ZNF106: variants seen among roughly 807,000 people sequenced by gnomAD.
ZNF106 encodes the protein SH3-domain binding protein 3.
In ZNF106, 67 loss-of-function variants were observed where a neutral mutation model predicts 195.1. The ratio of observed to expected loss-of-function variants is 0.34; its 90% CI spans 0.28 to 0.42. The LOEUF (loss-of-function observed/expected upper bound fraction) is 0.42. Among genes scored for constraint, ZNF106 ranks in the 10% least tolerant of loss-of-function variants. The pLI is 1.00. For synonymous variants in ZNF106, 784 were observed against 818.6 expected, an observed-to-expected ratio of 0.96 and a Z score of 0.72; for missense variants, 2,118 against 2,304.5, an observed-to-expected ratio of 0.92 and a Z score of 1.66.
chr15:42,424,800 C>T, intron 16 of ZNF106, 34 bp downstream of exon 16: 7 of 1,593,596 alleles, frequency 4.4e-6, no homozygotes, highest in Non-Finnish European at 6.0e-6. Context: ...TCTATTTGTG[C>T]CAGACAACTC....
intron 2 of ZNF106, among the ~76,000 whole-genome samples, chr15:42,467,832 A>G (rs1360418883): frequency 5.3e-5 from 8 of 152,068 alleles, no homozygotes; most frequent in African/African-American, 9.7e-5. Flanking sequence ...AACAAACAAA[A>G]TATTTAGTCT....
chr15:42,434,428 G>A (rs1434123401), intron 14 of ZNF106, among the ~76,000 whole-genome samples: 2 of 152,164 alleles, frequency 1.3e-5, no homozygotes, highest in Non-Finnish European at 1.5e-5. Context: ...CTAAAGTTGT[G>A]AGCCAGTGCC....
intron 14 of ZNF106, among the ~76,000 whole-genome samples, chr15:42,429,780 T>C (rs748135503): frequency 9.9e-5 from 15 of 151,994 alleles, no homozygotes; most frequent in East Asian, 1.9e-4. Context: ...ATAGGGGAAA[T>C]TGAACATTAC....
At chr15:42,460,820 A>G (rs2141389439) in intron 3 of ZNF106, among the ~76,000 whole-genome samples, 1 of 150,642 alleles carries the variant, frequency 6.6e-6, no homozygotes, top group Non-Finnish European at 1.5e-5. Context: ...AGATTGCACC[A>G]TTGCACTCTA....
At chr15:42,433,034 T>C (rs2055114169) in intron 14 of ZNF106, among the ~76,000 whole-genome samples, 1 of 152,184 alleles carries the variant, frequency 6.6e-6, no homozygotes, top group Non-Finnish European at 1.5e-5. Context: ...ATTTGCTATT[T>C]GCTTTCTATT....
chr15:42,450,559 CA>C lies in ZNF106; in HGVS notation c.1712del (p.Leu571CysfsTer22). 1 of 1,614,172 alleles carries C rather than the reference CA, an allele frequency of 6.2e-7. No homozygotes were observed. Among genetic ancestry groups the C allele is most frequent in the African/African-American group, 1.3e-5 (1 of 75,040 alleles). On this transcript the variant is annotated frameshift_variant, in exon 5 of 22. Transcript: ENST00000564754. LOFTEE classifies it high-confidence loss of function. ...AKEVLQCHESLQNPLLSTSKS... is the reference protein window; with the variant it reads ...AKEVLQCHESXQNPLLSTSKS... ...TAGAAGTGCTAAGAAGTGGATTTTG[CA>C]ATGACTCATGACACTGTAGCACCTC...
intron 1 of ZNF106, among the ~76,000 whole-genome samples, chr15:42,485,184 T>C (rs2056985501): frequency 6.6e-6 from 1 of 152,180 alleles, no homozygotes; most frequent in Admixed American, 6.5e-5. Context: ...ATACTGTATG[T>C]TTATGTTAAA....
Position 42,439,510 on chromosome 15 carries a change from G to A in ZNF106, c.4067C>T (p.Pro1356Leu). 1 of 1,614,180 alleles carries A rather than the reference G, an allele frequency of 6.2e-7. No homozygotes were observed. The highest frequency in any genetic ancestry group is 8.5e-7 in the Non-Finnish European group (1 of 1,180,044). ...CAAAGTGGATTCTGCCTGTTGTTCA[G>A]GCTGGTCAGCTGGAGAGTGGGGTTC... ...EKEPHSPADQ[P>L]EQQAESTLTS... The change falls in exon 11 of 22, where the codon CCT (proline) becomes CTT (leucine). Residue 1356 changes from proline to leucine, a missense_variant. Physicochemically the swap from Pro to Leu is moderately conservative, Grantham distance 98. Coordinates refer to ENST00000564754, the MANE Select transcript of ZNF106 (RefSeq NM_001366845.3).
chr15:42,457,142 A>G lies in ZNF106; in HGVS notation c.133T>C (p.Cys45Arg). 6.2e-7 allele frequency: 1 copy of G among 1,614,080 alleles called. No homozygotes were observed. The highest frequency in any genetic ancestry group is 1.3e-5 in the African/African-American group (1 of 74,992). The change falls in exon 4 of 22, where the codon TGC (cysteine) becomes CGC (arginine). Residue 45 changes from cysteine to arginine, a missense_variant. Physicochemically the swap from Cys to Arg is radical, Grantham distance 180. Coordinates refer to ENST00000564754, the MANE Select transcript of ZNF106 (RefSeq NM_001366845.3). ...ACTTCTGTGACCCCGCACACTCGGC[A>G]CTCATGACTAATGTCCCTAGGGAAA... ...NLKGRDISHE[C>R]RVCGVTEVGL...
At position 42,422,543 on chromosome 15, in the gene ZNF106, CA is replaced by C; in HGVS notation, c.5330del (p.Val1777GlyfsTer29). On this transcript the variant is annotated frameshift_variant, in exon 18 of 22. Transcript: ENST00000564754. LOFTEE classifies it high-confidence loss of function. ...TVVNILGKVM[V>X]TACLDKFVRV... ...GAACAAATTTATCCAGGCAAGCAGT[CA>C]CCATCACTTTTCCTAGGATATTCAC... is the stretch of plus-strand genomic sequence containing the variant. 1 of 1,613,684 alleles carries C rather than the reference CA, an allele frequency of 6.2e-7. No homozygotes were observed. The highest frequency in any genetic ancestry group is 8.5e-7 in the Non-Finnish European group (1 of 1,179,950).
rs77095991 is a variant in ZNF106 at position 42,458,233 on chromosome 15, C to T, written c.117-1075G>A. Among the ~76,000 whole-genome samples, 751 of 152,148 alleles carry T rather than the reference C, an allele frequency of 4.9e-3. 7 individuals are homozygous for T. Among genetic ancestry groups the T allele is most frequent in the African/African-American group, 0.017 (702 of 41,502 alleles). On this transcript the variant is annotated intron_variant, in intron 3 of 21. Transcript: ENST00000564754. ...AAACCAACAACCCAAAAGGACATGC[C>T]GTCTTTGTCCAGACAGAACACATAC...
intron 1 of ZNF106, among the ~76,000 whole-genome samples, chr15:42,488,906 G>A (rs751399578): frequency 2.0e-5 from 3 of 151,632 alleles, no homozygotes; most frequent in African/African-American, 2.4e-5. Flanking sequence ...GTGAAACCCC[G>A]TCTCTATTAA....
chr15:42,442,267 A>G lies in ZNF106; in HGVS notation c.3569T>C (p.Val1190Ala), dbSNP rs1250087897. 6.2e-7 allele frequency: 1 copy of G among 1,614,152 alleles called. No individual in the cohort carries two copies. The highest frequency in any genetic ancestry group is 8.5e-7 in the Non-Finnish European group (1 of 1,180,024). Reference protein sequence around the residue: ...PLFLEPPSSHVSPSPTGASLQ... With the variant: ...PLFLEPPSSHASPSPTGASLQ... ...AGAGGCTCCGGTGGGTGATGGAGACACATGGGAAGATGGAGGCTCCAGAAA... is the reference window on the plus strand; with the variant it reads ...AGAGGCTCCGGTGGGTGATGGAGACGCATGGGAAGATGGAGGCTCCAGAAA... The change falls in exon 10 of 22, where the codon GTG (valine) becomes GCG (alanine). Residue 1190 changes from valine (V) to alanine (A), a missense_variant. Physicochemically the swap from Val to Ala is moderately conservative, Grantham distance 64. Transcript: ENST00000564754.
chr15:42,488,308 G>A (rs1474275641), intron 1 of ZNF106, among the ~76,000 whole-genome samples: 1 of 152,034 alleles, frequency 6.6e-6, no homozygotes, highest in Admixed American at 6.5e-5. Flanking sequence ...TCACTATATG[G>A]GAGGTCACTC....
At chr15:42,432,368 A>G (rs1274838481) in intron 14 of ZNF106, among the ~76,000 whole-genome samples, 1 of 151,944 alleles carries the variant, frequency 6.6e-6, no homozygotes. Context: ...TATGTTACCG[A>G]GGCTGGTCTG....
intron 15 of ZNF106, chr15:42,427,546 A>T (rs2054900902): frequency 6.4e-6 from 1 of 155,548 alleles, no homozygotes; most frequent in African/African-American, 2.4e-5. Context: ...AACCACACCA[A>T]TGTCATACTC....
intron 9 of ZNF106, among the ~76,000 whole-genome samples, chr15:42,443,615 A>G (rs1358177064): frequency 6.6e-6 from 1 of 152,090 alleles, no homozygotes; most frequent in African/African-American, 2.4e-5. Flanking sequence ...CTGTAGTCCC[A>G]GCTACTGGGG....
chr15:42,485,584 G>A lies in ZNF106; in HGVS notation c.-33+5396C>T, dbSNP rs60839827. On this transcript the variant is annotated intron_variant, in intron 1 of 21. Transcript: ENST00000564754. ...TCCCAGTCTCAGTGAGTGTGGGTGT[G>A]TGTGTGTGAGTACACCCTGGGATGG... Among the ~76,000 whole-genome samples, 13 of 152,216 alleles carry A rather than the reference G, an allele frequency of 8.5e-5. No individual in the cohort carries two copies. The South Asian group carries it at 1.2e-3, about 15-fold the overall frequency.
Position 42,439,628 on chromosome 15 carries a change from C to A in ZNF106, c.3949G>T (p.Gly1317Trp). The A allele has an allele frequency of 6.2e-7, 1 of 1,613,804 alleles. No homozygotes were observed. Among genetic ancestry groups the A allele is most frequent in the Non-Finnish European group, 8.5e-7 (1 of 1,179,944 alleles). ...CTATTGCCTTTGGTTGGCTCTTCCC[C>A]TTCTTTATTTATGCTAGAAAGACCA... ...SAGLSSINKE[G>W]EEPTKGNSGS... Residue 1317 changes from glycine (G) to tryptophan (W), a missense_variant, in exon 11 of 22, where the codon GGG becomes TGG. Physicochemically the swap from Gly to Trp is radical, Grantham distance 184. Transcript: ENST00000564754.
Sources: allele counts gnomAD v4.1 joint callset (sites outside exome capture counted in the v4.1 genomes callset), GRCh38; gene constraint gnomAD v4.1.1; transcripts MANE v1.5; gene names NCBI Gene and HGNC (gene_info 2026-07-23, HGNC 2026-07-21).